The following FOXK2 variants were observed in gnomAD, a reference collection of about 807,000 sequenced individuals.
FOXK2 encodes forkhead box K2, also known as forkhead box protein K2.
FOXK2 carries 24 observed loss-of-function variants against 53.3 expected under a neutral mutation model. The ratio of observed to expected loss-of-function variants is 0.45; its 90% CI spans 0.33 to 0.63. FOXK2 has a LOEUF of 0.63. FOXK2 is among the 30% of genes least tolerant of loss of function. The pLI is 0.03. For synonymous variants in FOXK2, 505 were observed against 407.1 expected, an observed-to-expected ratio of 1.24 and a Z score of -2.89; for missense variants, 952 against 910.5, an observed-to-expected ratio of 1.05 and a Z score of -0.59.
chr17:82,562,720 T>C (rs1187235754), intron 1 of FOXK2, among the ~76,000 whole-genome samples: 1 of 152,124 alleles, frequency 6.6e-6, no homozygotes, highest in Non-Finnish European at 1.5e-5. Flanking sequence ...TTGTTTTAAG[T>C]CTACTATAAG....
In FOXK2 at chr17:82,586,024, T is replaced by G. The variant is rs760121573; in HGVS notation, c.1400T>G (p.Val467Gly). The G allele has an allele frequency of 6.2e-7, 1 of 1,612,802 alleles. No individual in the cohort carries two copies. Among genetic ancestry groups the G allele is most frequent in the Admixed American group, 1.7e-5 (1 of 60,022 alleles). Reference sequence around the variant, plus strand: ...ACCACCTCGACCTCCCAGCCACCCGTCGTGCAGACGGTTCACGTCGTCCAC... The same window carrying G: ...ACCACCTCGACCTCCCAGCCACCCGGCGTGCAGACGGTTCACGTCGTCCAC... ...PVTTSTSQPP[V>G]VQTVHVVHQI... Residue 467 changes from valine to glycine, a missense_variant, in exon 7 of 9, where the codon GTC (valine) becomes GGC (glycine). By Grantham distance (109) the Val-to-Gly change is moderately radical. Transcript: ENST00000335255.
chr17:82,535,748 G>GTTTTTTTTT (rs138654812), intron 1 of FOXK2, among the ~76,000 whole-genome samples: 2 of 140,132 alleles, frequency 1.4e-5, no homozygotes, highest in Non-Finnish European at 1.5e-5. Flanking sequence ...GTGTGTTTTT[G>GTTTTTTTTT]TTTTTGTTTT....
intron 1 of FOXK2, among the ~76,000 whole-genome samples, chr17:82,524,948 A>G (rs1471674750): frequency 6.7e-6 from 1 of 149,382 alleles, no homozygotes; most frequent in Non-Finnish European, 1.5e-5. Flanking sequence ...TGCCAGTGAT[A>G]GACTGAAATG....
At position 82,603,676 on chromosome 17, in the gene FOXK2, G is replaced by C. The variant is rs565784174; in HGVS notation, c.*2177G>C. 1 of 151,660 alleles carries C rather than the reference G, an allele frequency of 6.6e-6. No homozygotes were observed. The highest frequency in any genetic ancestry group is 1.5e-5 in the Non-Finnish European group (1 of 67,974). 9.4% of individuals were successfully genotyped at this position (151,660 alleles called of 1,614,324 possible). On this transcript the variant is annotated 3_prime_UTR_variant, in exon 9 of 9. Coordinates refer to ENST00000335255, the MANE Select transcript of FOXK2 (RefSeq NM_004514.4). The stretch of plus-strand genomic sequence containing the variant: ...GGATCTGTTTCTGTTGGGATCACAG[G>C]TAAGGAAAATGTCCATTCAAATGGT...
chr17:82,592,597 G>A (rs753622870), intron 8 of FOXK2, among the ~76,000 whole-genome samples: 3 of 152,224 alleles, frequency 2.0e-5, no homozygotes, highest in East Asian at 1.9e-4. Context: ...CGCTTCTTTC[G>A]TTAACATTGT....
chr17:82,523,223 C>T lies in FOXK2; in HGVS notation c.419+2916C>T, dbSNP rs75869546. On this transcript the variant is annotated intron_variant, in intron 1 of 8. Transcript: ENST00000335255. ...TGTGGCCACCGAGGTGAACATGTAT[C>T]CTGGACTTCTCATGGGCCTGGGACT... is the stretch of plus-strand genomic sequence containing the variant. Among the ~76,000 whole-genome samples the T allele has an allele frequency of 1.8e-3, 280 of 152,240 alleles. 7 individuals carry two copies. The East Asian group carries it at 0.048, about 26-fold the overall frequency.
chr17:82,576,750 C>T (rs553351558), intron 4 of FOXK2: 8 of 709,002 alleles, frequency 1.1e-5, no homozygotes, highest in East Asian at 5.4e-5. Flanking sequence ...AGCAGCATGT[C>T]GAATATGTCA....
At chr17:82,590,242 A>G (rs187646225) in intron 8 of FOXK2, among the ~76,000 whole-genome samples, 6 of 152,310 alleles carry the variant, frequency 3.9e-5, no homozygotes, top group Admixed American at 3.3e-4. Context: ...TCCTTAAAAC[A>G]GTGTCGGCTA....
At chr17:82,577,039 G>A (rs1432966637) in intron 4 of FOXK2, 2 of 418,552 alleles carry the variant, frequency 4.8e-6, no homozygotes, top group Non-Finnish European at 8.8e-6. Context: ...GTGCGTGCCT[G>A]TAATCCCAGC....
intron 1 of FOXK2, among the ~76,000 whole-genome samples, chr17:82,560,876 C>T (rs1260817225): frequency 6.6e-6 from 1 of 152,100 alleles, no homozygotes; most frequent in Non-Finnish European, 1.5e-5. Flanking sequence ...CGGAGGATCG[C>T]TTGAGCCTGT....
chr17:82,566,545 CAG>C (rs2044853309), intron 2 of FOXK2, among the ~76,000 whole-genome samples: 1 of 152,172 alleles, frequency 6.6e-6, no homozygotes, highest in Non-Finnish European at 1.5e-5. Context: ...GAAAAGGGCA[CAG>C]AATTCCCTGG....
At chr17:82,547,282 T>G (rs2044635762) in intron 1 of FOXK2, among the ~76,000 whole-genome samples, 1 of 152,192 alleles carries the variant, frequency 6.6e-6, no homozygotes, top group Non-Finnish European at 1.5e-5. Context: ...AAGGTGATAC[T>G]TTACATTCAG....
chr17:82,590,805 C>T (rs941501274), intron 8 of FOXK2, among the ~76,000 whole-genome samples: 2 of 152,128 alleles, frequency 1.3e-5, no homozygotes, highest in African/African-American at 2.4e-5. Context: ...TGGATGTGGC[C>T]GAGTTTTCTG....
chr17:82,565,577 G>T (rs1341987555), intron 2 of FOXK2, among the ~76,000 whole-genome samples: 1 of 152,182 alleles, frequency 6.6e-6, no homozygotes, highest in African/African-American at 2.4e-5. Flanking sequence ...GTAGTTATTA[G>T]GGAAATGCCA....
chr17:82,586,234 A>G, intron 7 of FOXK2, 34 bp downstream of exon 7: 2 of 1,193,762 alleles, frequency 1.7e-6, no homozygotes, highest in Non-Finnish European at 2.2e-6. Flanking sequence ...AGGGGAGACC[A>G]CAGGGAGGTG....
Position 82,529,218 on chromosome 17 carries a change from C to CTTTTT in FOXK2, c.419+8929_419+8933dup, listed in dbSNP as rs753569022. 1.8e-4 allele frequency among the ~76,000 whole-genome samples: 16 copies of CTTTTT among 90,470 alleles called. 1 individual carries two copies. The highest frequency in any genetic ancestry group is 2.8e-4 in the African/African-American group (6 of 21,106). The allele number at this position is 90,470 out of a possible 152,430, so 59.4% of individuals were successfully genotyped here. Reference sequence around the variant, plus strand: ...CTGTTCAAATTATACTTGAAAGCGCCTTTTTTTTTTTTTTTTTTTTTTGAG... The same window carrying CTTTTT: ...CTGTTCAAATTATACTTGAAAGCGCCTTTTTTTTTTTTTTTTTTTTTTTTTTTGAG... On this transcript the variant is annotated intron_variant, in intron 1 of 8. Coordinates refer to ENST00000335255, the MANE Select transcript of FOXK2 (RefSeq NM_004514.4).
rs983162472 is a variant in FOXK2 at position 82,571,747 on chromosome 17, C to G, written c.786C>G (p.Ser262=). ...AGGATGATTCAAAGCCGCCTTACTCCTACGCGCAGCTGATAGTTCAGGCGA... is the reference window on the plus strand; with the variant it reads ...AGGATGATTCAAAGCCGCCTTACTCGTACGCGCAGCTGATAGTTCAGGCGA... ...SPKDDSKPPY[S]YAQLIVQAIT... Residue 262 remains serine, a synonymous_variant, in exon 4 of 9, where the codon TCC becomes TCG. Transcript: ENST00000335255. 6.3e-7 allele frequency: 1 copy of G among 1,579,366 alleles called. No individual in the cohort carries two copies.
Position 82,584,225 on chromosome 17 carries a change from C to T in FOXK2, c.1279+37C>T, listed in dbSNP as rs59764629. On this transcript the variant is annotated intron_variant, in intron 6 of 8. Transcript: ENST00000335255. ...GGAGAGGAAGCGAGGGCCCCAACAG[C>T]GTGAGCCAGACGCGGACGCCTGGGC... 9.8e-3 allele frequency: 15,075 copies of T among 1,539,946 alleles called. 1,221 individuals carry two copies. The African/African-American group carries it at 0.18, about 18-fold the overall frequency.
chr17:82,524,840 T>TA (rs1045508800), intron 1 of FOXK2, among the ~76,000 whole-genome samples: 75 of 152,290 alleles, frequency 4.9e-4, no homozygotes, highest in African/African-American at 1.7e-3. Flanking sequence ...GCTGGCCCTG[T>TA]AGCCTGGCTC....
Sources: gnomAD v4.1 joint callset for allele counts (sites outside exome capture counted in the v4.1 genomes callset) on GRCh38, gnomAD v4.1.1 for gene constraint, MANE v1.5 for transcripts, NCBI Gene and HGNC (gene_info 2026-07-23, HGNC 2026-07-21) for gene names.